The following NTM variants were observed in gnomAD, a reference collection of about 807,000 sequenced individuals.
NTM encodes IgLON family member 2.
Under a neutral mutation model 42.1 loss-of-function variants are expected in NTM, and 13 were observed. That is an observed-to-expected ratio of 0.31 (90% confidence interval 0.20 to 0.49). NTM has a LOEUF of 0.49. NTM is among the 20% of genes least tolerant of loss of function. The pLI is 0.99. For synonymous variants in NTM, 187 were observed against 179.2 expected (o/e 1.04, Z -0.35); for missense variants, 373 against 452.8 (o/e 0.82, Z 1.60).
intron 1 of NTM, among the ~76,000 whole-genome samples, chr11:131,384,318 G>C (rs1943052395): frequency 6.6e-6 from 1 of 152,312 alleles, no homozygotes; most frequent in Admixed American, 6.5e-5. Context: ...CAAATACATA[G>C]GAGAAAAATC....
chr11:131,578,447 G>T (rs989130497), intron 1 of NTM, among the ~76,000 whole-genome samples: 1 of 152,160 alleles, frequency 6.6e-6, no homozygotes, highest in Admixed American at 6.5e-5. Flanking sequence ...GGACAAGGTG[G>T]ATACCACAGG....
intron 2 of NTM, among the ~76,000 whole-genome samples, chr11:131,912,369 G>A (rs1178313903): frequency 6.6e-6 from 1 of 152,166 alleles, no homozygotes; most frequent in Non-Finnish European, 1.5e-5. Flanking sequence ...TCAGTGTTGG[G>A]TTGGGTCCTG....
At chr11:131,913,831 C>G (rs1270982400) in intron 2 of NTM, among the ~76,000 whole-genome samples, 1 of 152,182 alleles carries the variant, frequency 6.6e-6, no homozygotes, top group Non-Finnish European at 1.5e-5. Flanking sequence ...TCCTGACACT[C>G]AAGAGAAAGG....
chr11:132,097,009 C>T (rs1180769819), intron 2 of NTM, among the ~76,000 whole-genome samples: 2 of 152,124 alleles, frequency 1.3e-5, no homozygotes, highest in African/African-American at 4.8e-5. Flanking sequence ...ATGACTATGA[C>T]CAAGGGTTAC....
At chr11:131,781,725 G>C (rs1378207694) in intron 1 of NTM, among the ~76,000 whole-genome samples, 5 of 152,156 alleles carry the variant, frequency 3.3e-5, no homozygotes, top group African/African-American at 1.2e-4. Context: ...TCAGATATTG[G>C]ATGACAGTCA....
chr11:132,240,059 C>CTCCATCCG (rs200066452), intron 4 of NTM, among the ~76,000 whole-genome samples: 1 of 149,596 alleles, frequency 6.7e-6, no homozygotes, highest in Non-Finnish European at 1.5e-5. Flanking sequence ...CCCTCCATCC[C>CTCCATCCG]TCCATCCGTC....
intron 4 of NTM, among the ~76,000 whole-genome samples, chr11:132,301,711 G>A (rs1360730224): frequency 6.6e-6 from 1 of 152,186 alleles, no homozygotes; most frequent in Non-Finnish European, 1.5e-5. Context: ...CTGCAGAGCT[G>A]GTGCAGGACT....
In NTM at chr11:131,911,182, C is replaced by T. The variant is rs981839623; in HGVS notation, c.83-382C>T. ...CCTGAGACGCGCCCACACCTTTCACCTGCCGCGCGCTTCCCCCTCCTCGGC... is the reference window on the plus strand; with the variant it reads ...CCTGAGACGCGCCCACACCTTTCACTTGCCGCGCGCTTCCCCCTCCTCGGC... On this transcript the variant is annotated intron_variant, in intron 1 of 8. Coordinates refer to ENST00000683400, the MANE Select transcript of NTM (RefSeq NM_001352005.2). 123 of 1,348,916 alleles carry T rather than the reference C, an allele frequency of 9.1e-5. 1 individual carries two copies. The highest frequency in any genetic ancestry group is 1.1e-4 in the Non-Finnish European group (117 of 1,045,528). The allele number at this position is 1,348,916 out of a possible 1,614,324, so 83.6% of individuals were successfully genotyped here. A position where few individuals can be genotyped will look rare whatever the true frequency, so the allele number is the denominator to read the frequency against.
intron 1 of NTM, among the ~76,000 whole-genome samples, chr11:131,402,396 T>TAA (rs56370339): frequency 2.7e-5 from 4 of 145,594 alleles, no homozygotes; most frequent in Non-Finnish European, 6.0e-5. Flanking sequence ...AACTAAGTCA[T>TAA]AAAAAAAAAA....
At chr11:132,048,307 A>C (rs2078309162) in intron 2 of NTM, among the ~76,000 whole-genome samples, 1 of 152,190 alleles carries the variant, frequency 6.6e-6, no homozygotes, top group Non-Finnish European at 1.5e-5. Context: ...AGCCTCCTGC[A>C]AAGAGAGAAA....
intron 1 of NTM, among the ~76,000 whole-genome samples, chr11:131,711,351 A>G (rs2077105587): frequency 6.6e-6 from 1 of 152,220 alleles, no homozygotes; most frequent in African/African-American, 2.4e-5. Flanking sequence ...AAAAGAAGAC[A>G]TTTATGCAGC....
In NTM at chr11:131,592,239, G is replaced by A. The variant is rs550526480; in HGVS notation, c.82+221351G>A. ...TAAAAAATGTGGTAGAGCATGCTGG[G>A]CCTTCAGGCCTAGACTGGAGTCCTC... On this transcript the variant is annotated intron_variant, in intron 1 of 8. Transcript: ENST00000683400. 4.6e-5 allele frequency among the ~76,000 whole-genome samples: 7 copies of A among 152,262 alleles called. No individual in the cohort carries two copies. The East Asian group carries it at 1.4e-3, about 29-fold the overall frequency.
intron 3 of NTM, among the ~76,000 whole-genome samples, chr11:132,182,199 GTTTA>G (rs1012019577): frequency 2.0e-5 from 3 of 151,978 alleles, no homozygotes. Context: ...TGTTAGTAGT[GTTTA>G]TTTAAGTTCC....
In NTM at chr11:131,874,002, CATATA is replaced by C. The variant is rs1287379855; in HGVS notation, c.83-37556_83-37552del. Among the ~76,000 whole-genome samples, 183 of 67,358 alleles carry C rather than the reference CATATA, an allele frequency of 2.7e-3. 1 individual carries two copies. Among genetic ancestry groups the C allele is most frequent in the Middle Eastern group, 0.02 (2 of 98 alleles). 44.2% of individuals were successfully genotyped at this position (67,358 alleles called of 152,430 possible). On this transcript the variant is annotated intron_variant, in intron 1 of 8. Coordinates refer to ENST00000683400, the MANE Select transcript of NTM (RefSeq NM_001352005.2). ...TTATATATTATATATATTATATTTACATATAATATATTTATATAATATAATATAAT... is the reference window on the plus strand; with the variant it reads ...TTATATATTATATATATTATATTTACATATATTTATATAATATAATATAAT...
At chr11:132,201,506 G>C (rs1169751131) in intron 3 of NTM, among the ~76,000 whole-genome samples, 1 of 152,214 alleles carries the variant, frequency 6.6e-6, no homozygotes, top group African/African-American at 2.4e-5. Context: ...GCAAGGCTAT[G>C]GCGGTTGGGA....
intron 2 of NTM, among the ~76,000 whole-genome samples, chr11:132,145,359 T>C (rs1378519648): frequency 2.0e-5 from 3 of 152,194 alleles, no homozygotes; most frequent in Non-Finnish European, 4.4e-5. Context: ...ATACATCCTA[T>C]GCTACATTGT....
chr11:131,819,224 T>A (rs901039235), intron 1 of NTM, among the ~76,000 whole-genome samples: 1 of 152,122 alleles, frequency 6.6e-6, no homozygotes, highest in East Asian at 1.9e-4. Context: ...GGAGACCTTG[T>A]AGTTCAAAGC....
intron 1 of NTM, among the ~76,000 whole-genome samples, chr11:131,522,865 T>C (rs773423288): frequency 7.2e-5 from 11 of 152,212 alleles, no homozygotes; most frequent in Non-Finnish European, 1.2e-4. Context: ...ATTTAAAACA[T>C]GCTAATGCCT....
intron 1 of NTM, among the ~76,000 whole-genome samples, chr11:131,688,551 G>T (rs537623195): frequency 6.6e-6 from 1 of 152,348 alleles, no homozygotes; most frequent in African/African-American, 2.4e-5. Context: ...GGCACACGCT[G>T]GGCAGGCTCT....
Sources: gnomAD v4.1 joint callset for allele counts (sites outside exome capture counted in the v4.1 genomes callset) on GRCh38, gnomAD v4.1.1 for gene constraint, MANE v1.5 for transcripts, NCBI Gene and HGNC (gene_info 2026-07-23, HGNC 2026-07-21) for gene names.